Variants in MT1B observed in about 807,000 individuals in gnomAD.
MT1B encodes metallothionein 1B, also known as metallothionein-1B.
In MT1B, 4 loss-of-function variants were observed where a neutral mutation model predicts 7.9. That is an observed-to-expected ratio of 0.51 (90% confidence interval 0.25 to 1.16). The LOEUF (loss-of-function observed/expected upper bound fraction) is 1.16, where lower values mean the gene tolerates loss of function less well. Ranked by LOEUF, MT1B falls within the 50% of genes most tolerant of loss-of-function variation. The pLI is 0.15. For synonymous variants in MT1B, 22 were observed against 27.6 expected, an observed-to-expected ratio of 0.80 and a Z score of 0.63; for missense variants, 76 against 75.2, an observed-to-expected ratio of 1.01 and a Z score of -0.04.
intron 2 of MT1B, 91 bp from the exon 3 acceptor site, chr16:56,652,883 T>G: frequency 7.0e-7 from 1 of 1,422,076 alleles, no homozygotes; most frequent in Non-Finnish European, 9.9e-7. Flanking sequence ...CCTCTGGGTG[T>G]GGGGGCTGAA....
intron 2 of MT1B, 141 bp from the exon 3 acceptor site, chr16:56,652,833 T>C (rs1960572141): frequency 1.7e-6 from 2 of 1,176,972 alleles, no homozygotes; most frequent in East Asian, 4.7e-5. Context: ...AAACCTCAAA[T>C]GTACCATCAG....
chr16:56,652,246 GCTCTAA>G (rs1193208165), intron 1 of MT1B, among the ~76,000 whole-genome samples: 2 of 152,220 alleles, frequency 1.3e-5, no homozygotes, highest in African/African-American at 4.8e-5. Context: ...CCAGTGCTCT[GCTCTAA>G]CTCTGAGCAG....
intron 1 of MT1B, 129 bp from the exon 2 acceptor site, chr16:56,652,442 C>T (rs868758084): frequency 1.5e-4 from 138 of 918,766 alleles, no homozygotes; most frequent in African/African-American, 1.1e-3. Flanking sequence ...TCTGTTCCTC[C>T]GCTCTGAGTG....
At chr16:56,652,695 A>T (rs1960569773) in intron 2 of MT1B, 59 bp downstream of exon 2, 1 of 1,598,658 alleles carries the variant, frequency 6.3e-7, no homozygotes, top group African/African-American at 1.3e-5. Flanking sequence ...AAGGGAACAC[A>T]AGGCTGGCCC....
chr16:56,652,750 C>T, intron 2 of MT1B, 114 bp downstream of exon 2: 3 of 1,364,444 alleles, frequency 2.2e-6, no homozygotes, highest in Non-Finnish European at 3.1e-6. Context: ...CCCCTGTTGG[C>T]TGTGTCATTC....
rs1232458826 is a variant in MT1B, at chr16:56,652,586, G to C, written c.44G>C (p.Cys15Ser). The C allele has an allele frequency of 6.2e-7, 1 of 1,614,036 alleles. No individual in the cohort carries two copies. Among genetic ancestry groups the C allele is most frequent in the East Asian group, 2.2e-5 (1 of 44,882 alleles). The change falls in exon 2 of 3, where the codon TGC becomes TCC. Residue 15 changes from cysteine (C) to serine (S), a missense_variant. Physicochemically the swap from Cys to Ser is moderately radical, Grantham distance 112. Transcript: ENST00000334346. Reference sequence around the variant, plus strand: ...TTCCTTGCAGGTGGCTCCTGTGCCTGCGCCGGCTCCTGCAAGTGCAAAGAG... The same window carrying C: ...TTCCTTGCAGGTGGCTCCTGTGCCTCCGCCGGCTCCTGCAAGTGCAAAGAG... ...CSCTTGGSCA[C>S]AGSCKCKECK...
rs1276394784 is a variant in MT1B at position 56,651,901 on chromosome 16, T to C, written c.-53T>C. The C allele has an allele frequency of 1.9e-6, 3 of 1,607,346 alleles. No homozygotes were observed. The highest frequency in any genetic ancestry group is 2.6e-6 in the Non-Finnish European group (3 of 1,173,898). ...CCTGGGCTCCATCACACCTTCCTCC[T>C]GCCCTGACTTCTCATATCTTGCCTA... On this transcript the variant is annotated 5_prime_UTR_variant, in exon 1 of 3. Transcript: ENST00000334346.
chr16:56,652,557 TC>T lies in MT1B; in HGVS notation c.29-13del. 6.2e-7 allele frequency: 1 copy of T among 1,613,310 alleles called. No individual in the cohort carries two copies. Among genetic ancestry groups the T allele is most frequent in the South Asian group, 1.1e-5 (1 of 91,078 alleles). On this transcript the variant is annotated splice_polypyrimidine_tract_variant and intron_variant, in intron 1 of 2. Coordinates refer to ENST00000334346, the MANE Select transcript of MT1B (RefSeq NM_005947.3). ...TCTTACTCACTGCCCACTGCCTTTTTCGCTTCCTTGCAGGTGGCTCCTGTGC... is the reference window on the plus strand; with the variant it reads ...TCTTACTCACTGCCCACTGCCTTTTTGCTTCCTTGCAGGTGGCTCCTGTGC...
intron 1 of MT1B, among the ~76,000 whole-genome samples, chr16:56,652,332 C>T (rs1960564548): frequency 6.6e-6 from 1 of 152,206 alleles, no homozygotes; most frequent in Non-Finnish European, 1.5e-5. Flanking sequence ...GCCTCCAGCC[C>T]CAGTCTTCCT....
At chr16:56,652,740 C>A (rs1262949616) in intron 2 of MT1B, 104 bp downstream of exon 2, 13 of 1,425,000 alleles carry the variant, frequency 9.1e-6, no homozygotes, top group Middle Eastern at 3.7e-4. Context: ...TCTTCCTTTG[C>A]CCCTGTTGGC....
rs1182829783 is a variant in MT1B, at chr16:56,652,573, G to A, written c.31G>A (p.Gly11Ser). Residue 11 changes from glycine to serine, a missense_variant and splice_region_variant, in exon 2 of 3, where the codon GGC (glycine) becomes AGC (serine). By Grantham distance (56) the Gly-to-Ser change is moderately conservative (BLOSUM62 0). Transcript: ENST00000334346. ...CTGCCTTTTTCGCTTCCTTGCAGGT[G>A]GCTCCTGTGCCTGCGCCGGCTCCTG... MDPNCSCTTG[G>S]SCACAGSCKC... The A allele has an allele frequency of 2.5e-6, 4 of 1,613,896 alleles. No individual in the cohort carries two copies. Among genetic ancestry groups the A allele is most frequent in the Non-Finnish European group, 3.4e-6 (4 of 1,179,830 alleles).
At chr16:56,652,812 T>C (rs1960571887) in intron 2 of MT1B, among the ~76,000 whole-genome samples, 162 bp from the exon 3 acceptor site, 1 of 152,232 alleles carries the variant, frequency 6.6e-6, no homozygotes, top group Non-Finnish European at 1.5e-5. Context: ...AGACTTTTTC[T>C]ATTGGGACAC....
Position 56,652,742 on chromosome 16 carries a change from C to T in MT1B, c.94+106C>T, listed in dbSNP as rs916314305. On this transcript the variant is annotated intron_variant, in intron 2 of 2. Transcript: ENST00000334346. ...TTTTGGGAACTGGTCTTCCTTTGCC[C>T]CTGTTGGCTGTGTCATTCCCTCTCC... 3.5e-6 allele frequency: 5 copies of T among 1,425,874 alleles called. No homozygotes were observed. In the African/African-American group the frequency reaches 7.0e-5, roughly 20 times the overall value. 88.3% of individuals were successfully genotyped at this position (1,425,874 alleles called of 1,614,324 possible).
intron 2 of MT1B, 107 bp downstream of exon 2, chr16:56,652,743 CT>C: frequency 1.4e-6 from 2 of 1,416,116 alleles, no homozygotes; most frequent in East Asian, 4.6e-5. Flanking sequence ...TCCTTTGCCC[CT>C]GTTGGCTGTG....
intron 1 of MT1B, 42 bp from the exon 2 acceptor site, chr16:56,652,529 G>T: frequency 6.3e-7 from 1 of 1,590,168 alleles, no homozygotes; most frequent in Non-Finnish European, 8.6e-7. Flanking sequence ...TGTACCTTCT[G>T]CATCTTACTC....
intron 1 of MT1B, 145 bp downstream of exon 1, chr16:56,652,126 C>A: frequency 1.1e-6 from 1 of 927,950 alleles, no homozygotes; most frequent in Non-Finnish European, 1.7e-6. Context: ...TGCCCAAGCT[C>A]CTGTGAGCAT....
intron 1 of MT1B, 62 bp from the exon 2 acceptor site, chr16:56,652,509 G>A (rs1285760919): frequency 6.7e-7 from 1 of 1,495,352 alleles, no homozygotes; most frequent in Non-Finnish European, 9.3e-7. Context: ...GACACTCATG[G>A]ACTCACTGCT....
At position 56,652,655 on chromosome 16, in the gene MT1B, C is replaced by T; in HGVS notation, c.94+19C>T. 2 of 1,613,682 alleles carry T rather than the reference C, an allele frequency of 1.2e-6. No homozygotes were observed. The highest frequency in any genetic ancestry group is 2.7e-5 in the African/African-American group (2 of 75,036). On this transcript the variant is annotated intron_variant, in intron 2 of 2. Transcript: ENST00000334346. ...AAGAAGTGTGAGTGTGGGATCATCT[C>T]CAGGAATCTGGGGCTGTGGCTAAGC...
chr16:56,652,400 C>A (rs536734217), intron 1 of MT1B, among the ~76,000 whole-genome samples, 171 bp from the exon 2 acceptor site: 9 of 152,136 alleles, frequency 5.9e-5, no homozygotes, highest in Non-Finnish European at 1.0e-4. Flanking sequence ...GGTGCTTGCC[C>A]TTCCCAGCCT....
Sources: gnomAD v4.1 joint callset for allele counts (sites outside exome capture counted in the v4.1 genomes callset) on GRCh38, gnomAD v4.1.1 for gene constraint, MANE v1.5 for transcripts, NCBI Gene and HGNC (gene_info 2026-07-23, HGNC 2026-07-21) for gene names.